Variants in EGFL7 observed in about 807,000 individuals in gnomAD.
EGFL7 encodes EGF like domain multiple 7, also known as epidermal growth factor-like protein 7.
Under a neutral mutation model 37.1 loss-of-function variants are expected in EGFL7, and 48 were observed. That is an observed-to-expected ratio of 1.29 (90% confidence interval 1.03 to 1.65). EGFL7 has a LOEUF of 1.65. Ranked by LOEUF, EGFL7 falls within the 40% of genes most tolerant of loss-of-function variation. The pLI is 0.00. For missense variants in EGFL7, 384 were observed against 378.9 expected (o/e 1.01, Z -0.11); for synonymous variants, 180 against 156.8 (o/e 1.15, Z -1.10).
rs1313661832 is a variant in EGFL7 at position 136,668,142 on chromosome 9, C to T, written c.-42-99C>T. On this transcript the variant is annotated intron_variant, in intron 3 of 10. Coordinates refer to ENST00000308874, the MANE Select transcript of EGFL7 (RefSeq NM_016215.5). ...GCTGTCCCACCGGTGGAGGCTCCAG[C>T]GGAGATGAGCTGGGCAGGCCTCGCG... 28 of 666,144 alleles carry T rather than the reference C, an allele frequency of 4.2e-5. No individual in the cohort carries two copies. In the South Asian group the frequency reaches 4.8e-4, roughly 11 times the overall value. 41.3% of individuals were successfully genotyped at this position (666,144 alleles called of 1,614,324 possible). A position where few individuals can be genotyped will look rare whatever the true frequency, so the allele number is the denominator to read the frequency against.
In EGFL7 at chr9:136,672,096, C is replaced by A. The variant is rs201744588; in HGVS notation, c.799+8C>A. 7,581 of 1,545,936 alleles carry A rather than the reference C, an allele frequency of 4.9e-3. 21 individuals are homozygous for A. Among genetic ancestry groups the A allele is most frequent in the Non-Finnish European group, 6.1e-3 (6,959 of 1,145,888 alleles). ...AGGAGCAGCTGGGGTCCTGTGAGTG[C>A]CCCCACCCTCCAGAGCCCTCCTCCC... On this transcript the variant is annotated splice_region_variant and intron_variant, in intron 10 of 10. Coordinates refer to ENST00000308874, the MANE Select transcript of EGFL7 (RefSeq NM_016215.5).
chr9:136,660,715 C>G (rs371061613), upstream of EGFL7, among the ~76,000 whole-genome samples: 107 of 152,292 alleles, frequency 7.0e-4, no homozygotes, highest in African/African-American at 2.5e-3. Context: ...CGAGCTGTCC[C>G]CTGGCCGGAT....
chr9:136,670,467 G>T, intron 8 of EGFL7, 137 bp downstream of exon 8: 1 of 1,146,950 alleles, frequency 8.7e-7, no homozygotes, highest in Admixed American at 2.2e-5. Context: ...AGGGAGGATG[G>T]GGAGGGAGGA....
In EGFL7 at chr9:136,672,662, A is replaced by C; in HGVS notation, c.*376A>C. ...GGGCTGCTGCCTGACCCCCAGCACA[A>C]TAAAAATGAAACGTGAGCTGCTGTG... On this transcript the variant is annotated 3_prime_UTR_variant, in exon 11 of 11. Coordinates refer to ENST00000308874, the MANE Select transcript of EGFL7 (RefSeq NM_016215.5). 5.8e-6 allele frequency: 2 copies of C among 347,614 alleles called. No individual in the cohort carries two copies. Among genetic ancestry groups the C allele is most frequent in the Non-Finnish European group, 1.1e-5 (2 of 187,290 alleles). The allele number at this position is 347,614 out of a possible 1,614,324, so 21.5% of individuals were successfully genotyped here.
At position 136,672,474 on chromosome 9, in the gene EGFL7, A is replaced by G; in HGVS notation, c.*188A>G. 1.4e-6 allele frequency: 1 copy of G among 699,874 alleles called. No individual in the cohort carries two copies. The highest frequency in any genetic ancestry group is 1.8e-5 in the South Asian group (1 of 55,312). 43.4% of individuals were successfully genotyped at this position (699,874 alleles called of 1,614,324 possible). A position where few individuals can be genotyped will look rare whatever the true frequency, so the allele number is the denominator to read the frequency against. ...AGACCCTGGCATGGGATGGGCTGGG[A>G]TCTTCTCTGTGAATCCACCCCTGGC... On this transcript the variant is annotated 3_prime_UTR_variant, in exon 11 of 11. Transcript: ENST00000308874.
In EGFL7 at chr9:136,670,010, G is replaced by T. The variant is rs773730877; in HGVS notation, c.409+1G>T. ...TGGCGGGGTGACACTTGCCAGTCAGGTGAGGCTGGCTCTACCCTGGGGGGC... is the reference window on the plus strand; with the variant it reads ...TGGCGGGGTGACACTTGCCAGTCAGTTGAGGCTGGCTCTACCCTGGGGGGC... On this transcript the variant is annotated splice_donor_variant, in intron 7 of 10. Coordinates refer to ENST00000308874, the MANE Select transcript of EGFL7 (RefSeq NM_016215.5). LOFTEE classifies it high-confidence loss of function. 1 of 1,594,104 alleles carries T rather than the reference G, an allele frequency of 6.3e-7. No individual in the cohort carries two copies. Among genetic ancestry groups the T allele is most frequent in the Admixed American group, 1.7e-5 (1 of 59,126 alleles).
rs770537881 is a variant in EGFL7 at position 136,669,586 on chromosome 9, C to G, written c.198-20C>G. On this transcript the variant is annotated intron_variant, in intron 5 of 10. Transcript: ENST00000308874. Reference sequence around the variant, plus strand: ...AGGGGGAGTAGGATGCCCCTCTGAGCTGTCCCACCCACCCCACAGAACCAT... The same window carrying G: ...AGGGGGAGTAGGATGCCCCTCTGAGGTGTCCCACCCACCCCACAGAACCAT... 4.4e-6 allele frequency: 7 copies of G among 1,584,506 alleles called. No individual in the cohort carries two copies. In the African/African-American group the frequency reaches 9.4e-5, roughly 21 times the overall value.
Position 136,672,084 on chromosome 9 carries a change from G to A in EGFL7, c.795G>A (p.Gly265=). 6.5e-6 allele frequency: 10 copies of A among 1,546,410 alleles called. No homozygotes were observed. The highest frequency in any genetic ancestry group is 8.7e-6 in the Non-Finnish European group (10 of 1,146,354). The change falls in exon 10 of 11, where the codon GGG becomes GGA. Residue 265 remains glycine (G), a synonymous_variant. Coordinates refer to ENST00000308874, the MANE Select transcript of EGFL7 (RefSeq NM_016215.5). ...TTTCCTTCCTGGAGGAGCAGCTGGGGTCCTGTGAGTGCCCCCACCCTCCAG... is the reference window on the plus strand; with the variant it reads ...TTTCCTTCCTGGAGGAGCAGCTGGGATCCTGTGAGTGCCCCCACCCTCCAG... ...EQISFLEEQL[G]SCSCKKDS
chr9:136,668,018 C>G (rs1411152116), intron 3 of EGFL7, among the ~76,000 whole-genome samples: 5 of 152,178 alleles, frequency 3.3e-5, no homozygotes, highest in African/African-American at 7.2e-5. Context: ...GTCACCCCCC[C>G]TGTGCCCCCA....
At chr9:136,662,678 G>A (rs1270259090), upstream of EGFL7, among the ~76,000 whole-genome samples, 1 of 152,196 alleles carries the variant, frequency 6.6e-6, no homozygotes, top group East Asian at 1.9e-4. Flanking sequence ...GTCCAGCCCT[G>A]GTTTCTGGCT....
At position 136,668,237 on chromosome 9, in the gene EGFL7, C is replaced by T. The variant is rs1359607888; in HGVS notation, c.-42-4C>T. 1 of 1,537,038 alleles carries T rather than the reference C, an allele frequency of 6.5e-7. No homozygotes were observed. Among genetic ancestry groups the T allele is most frequent in the Non-Finnish European group, 8.8e-7 (1 of 1,131,042 alleles). ...AGACTTAGGGGTCATGCTTTGTGCC[C>T]CAGGCCACCCAGAGGAGAAGGCCAC... On this transcript the variant is annotated splice_polypyrimidine_tract_variant and splice_region_variant and intron_variant, in intron 3 of 10. Coordinates refer to ENST00000308874, the MANE Select transcript of EGFL7 (RefSeq NM_016215.5).
upstream of EGFL7, among the ~76,000 whole-genome samples, chr9:136,661,145 T>TC (rs901521666): frequency 1.3e-5 from 2 of 152,136 alleles, no homozygotes; most frequent in Non-Finnish European, 2.9e-5. Context: ...CTGGGGGCCT[T>TC]CCCGGTGAAC....
chr9:136,660,683 G>A (rs529994001), upstream of EGFL7, among the ~76,000 whole-genome samples: 28 of 152,264 alleles, frequency 1.8e-4, no homozygotes, highest in Admixed American at 5.9e-4. Flanking sequence ...TCGTGCACTC[G>A]GCTACTTAGC....
chr9:136,672,666 A>C lies in EGFL7; in HGVS notation c.*380A>C. 5 of 314,298 alleles carry C rather than the reference A, an allele frequency of 1.6e-5. No individual in the cohort carries two copies. Among genetic ancestry groups the C allele is most frequent in the East Asian group, 5.8e-5 (1 of 17,142 alleles). The allele number at this position is 314,298 out of a possible 1,614,324, so 19.5% of individuals were successfully genotyped here. ...TGCTGCCTGACCCCCAGCACAATAA[A>C]AATGAAACGTGAGCTGCTGTGTCAG... On this transcript the variant is annotated 3_prime_UTR_variant, in exon 11 of 11. Transcript: ENST00000308874.
chr9:136,672,315 C>T lies in EGFL7; in HGVS notation c.*29C>T, dbSNP rs773056510. On this transcript the variant is annotated 3_prime_UTR_variant, in exon 11 of 11. Coordinates refer to ENST00000308874, the MANE Select transcript of EGFL7 (RefSeq NM_016215.5). ...CCCAGCGCCCCAGGCTGGACTGAGC[C>T]CCTCACGCCGCCCTGCAGCCCCCAT... is the stretch of plus-strand genomic sequence containing the variant. 2 of 1,613,024 alleles carry T rather than the reference C, an allele frequency of 1.2e-6. No individual in the cohort carries two copies. Among genetic ancestry groups the T allele is most frequent in the Non-Finnish European group, 1.7e-6 (2 of 1,179,902 alleles).
At chr9:136,670,465 T>C in intron 8 of EGFL7, 135 bp downstream of exon 8, 2 of 1,144,998 alleles carry the variant, frequency 1.7e-6, no homozygotes, top group Non-Finnish European at 2.5e-6. Flanking sequence ...GGAGGGAGGA[T>C]GGGGAGGGAG....
At position 136,666,016 on chromosome 9, in the gene EGFL7, G is replaced by A. The variant is rs1445735974; in HGVS notation, c.-43+1231G>A. Among the ~76,000 whole-genome samples, 1 of 146,278 alleles carries A rather than the reference G, an allele frequency of 6.8e-6. No homozygotes were observed. The highest frequency in any genetic ancestry group is 2.4e-5 in the African/African-American group (1 of 40,846). On this transcript the variant is annotated intron_variant, in intron 3 of 10. Transcript: ENST00000308874. The surrounding 1 kb of genome is among the most constrained non-coding windows in gnomAD (Gnocchi z 6.8). ...GGGCGCCCGCGGCTGGGTCGGGCCG[G>A]GCCGGGAGAATGGGCCCAGCGGCCC...
chr9:136,669,884 G>A (rs1845728762), intron 6 of EGFL7, 30 bp from the exon 7 acceptor site: 1 of 1,552,400 alleles, frequency 6.4e-7, no homozygotes, highest in African/African-American at 1.4e-5. Context: ...GGACCCAACT[G>A]AGCTGGTGAC....
rs1305265077 is a variant in EGFL7 at position 136,666,495 on chromosome 9, C to G, written c.-43+1710C>G. ...CCTGGGTCGAGGCCGTGGCCCCCCC[C>G]GGGGAAATGGGGCTTGCAGCACCGG... On this transcript the variant is annotated intron_variant, in intron 3 of 10. Coordinates refer to ENST00000308874, the MANE Select transcript of EGFL7 (RefSeq NM_016215.5). This position sits in a 1 kb window ranked among gnomAD's most constrained non-coding sequence, Gnocchi z 6.8. Among the ~76,000 whole-genome samples the G allele has an allele frequency of 6.6e-6, 1 of 152,140 alleles. No homozygotes were observed. Among genetic ancestry groups the G allele is most frequent in the African/African-American group, 2.4e-5 (1 of 41,438 alleles).
Sources: gnomAD v4.1 joint callset for allele counts (sites outside exome capture counted in the v4.1 genomes callset) on GRCh38, gnomAD v4.1.1 for gene constraint, Gnocchi (gnomAD v3.1) non-coding constraint, MANE v1.5 for transcripts, NCBI Gene and HGNC (gene_info 2026-07-23, HGNC 2026-07-21) for gene names.